AKAP12: variants seen among roughly 807,000 people sequenced by gnomAD.
The protein encoded by AKAP12 is A-kinase anchor protein 12.
AKAP12 carries 32 observed loss-of-function variants against 79.9 expected under a neutral mutation model. The ratio of observed to expected loss-of-function variants is 0.40; its 90% CI spans 0.30 to 0.54. The LOEUF is 0.54. AKAP12 is among the 20% of genes least tolerant of loss of function. The probability of loss-of-function intolerance (pLI) is 0.48; values close to 1 mark genes in which losing one functional copy is unlikely to be tolerated. For synonymous variants in AKAP12, 808 were observed against 857.0 expected (o/e 0.94, Z 1.00); for missense variants, 2,074 against 2,177.0 (o/e 0.95, Z 0.94).
At chr6:151,355,371 C>G (rs1311478501) in intron 4 of AKAP12, among the ~76,000 whole-genome samples, 1 of 151,886 alleles carries the variant, frequency 6.6e-6, no homozygotes, top group African/African-American at 2.4e-5. Context: ...GGCACAATCT[C>G]AGCTTACTGC....
intron 2 of AKAP12, among the ~76,000 whole-genome samples, chr6:151,290,797 A>G (rs890066295): frequency 6.6e-6 from 1 of 151,954 alleles, no homozygotes; most frequent in Non-Finnish European, 1.5e-5. Context: ...TTTAGTAGAG[A>G]CGGGGTTTCT....
intron 4 of AKAP12, among the ~76,000 whole-genome samples, chr6:151,354,159 A>C (rs369875991): frequency 2.1e-4 from 32 of 152,024 alleles, no homozygotes; most frequent in African/African-American, 5.3e-4. Context: ...TCAAAAAAAA[A>C]AAACAAACAA....
chr6:151,325,791 G>T, intron 3 of AKAP12: 4 of 1,612,988 alleles, frequency 2.5e-6, no homozygotes, highest in Non-Finnish European at 3.4e-6. Flanking sequence ...GCAGGCAGGA[G>T]ACTAGGCGTC....
At chr6:151,303,731 T>G (rs1052696080) in intron 2 of AKAP12, among the ~76,000 whole-genome samples, 1 of 152,216 alleles carries the variant, frequency 6.6e-6, no homozygotes, top group Non-Finnish European at 1.5e-5. Flanking sequence ...GAATACCCTT[T>G]AAGTCATTTT....
chr6:151,249,871 C>A (rs1797141933), intron 2 of AKAP12, among the ~76,000 whole-genome samples: 1 of 152,198 alleles, frequency 6.6e-6, no homozygotes, highest in Admixed American at 6.5e-5. Flanking sequence ...TATTCTACAT[C>A]TCAAGTGTTA....
At chr6:151,345,895 ATGTG>A (rs367643775) in intron 3 of AKAP12, among the ~76,000 whole-genome samples, 2,467 of 128,766 alleles carry the variant, frequency 0.019, 53 homozygotes, top group African/African-American at 0.061. Flanking sequence ...GTGTGTGTAT[ATGTG>A]TGTGTGTGTG....
At position 151,350,023 on chromosome 6, in the gene AKAP12, A is replaced by T; in HGVS notation, c.1632A>T (p.Ser544=). ...KGKRGGGDEE[S]GEHTQVPADS... is the part of the protein sequence containing the mutation. ...AAAGAGGAGGAGGAGACGAGGAATCAGGGGAGCACACTCAGGTTCCAGCCG... is the reference window on the plus strand; with the variant it reads ...AAAGAGGAGGAGGAGACGAGGAATCTGGGGAGCACACTCAGGTTCCAGCCG... The change falls in exon 4 of 5, where the codon TCA becomes TCT. Residue 544 remains serine, a synonymous_variant. Transcript: ENST00000402676. This position sits in a 1 kb window ranked among gnomAD's most constrained non-coding sequence, Gnocchi z 4.8. The T allele has an allele frequency of 6.2e-7, 1 of 1,614,166 alleles. No individual in the cohort carries two copies. Among genetic ancestry groups the T allele is most frequent in the Non-Finnish European group, 8.5e-7 (1 of 1,180,028 alleles).
At chr6:151,270,886 ACAT>A (rs1437227338) in intron 2 of AKAP12, among the ~76,000 whole-genome samples, 1 of 152,314 alleles carries the variant, frequency 6.6e-6, no homozygotes, top group African/African-American at 2.4e-5. Flanking sequence ...TATATGACAG[ACAT>A]CATGATGAAT....
At chr6:151,325,801 C>T in intron 3 of AKAP12, 1 of 1,613,520 alleles carries the variant, frequency 6.2e-7, no homozygotes, top group Admixed American at 1.7e-5. Flanking sequence ...GACTAGGCGT[C>T]TGCCGGGGAG....
chr6:151,345,932 T>TGTGTGAGAGAGAGAGAGA (rs1349850485), intron 3 of AKAP12, among the ~76,000 whole-genome samples: 2 of 101,376 alleles, frequency 2.0e-5, no homozygotes, highest in African/African-American at 8.7e-5. Context: ...TGTGTGTGTG[T>TGTGTGAGAGAGAGAGAGA]GAGAGAGAGA....
intron 2 of AKAP12, among the ~76,000 whole-genome samples, chr6:151,290,080 G>T (rs1776584849): frequency 6.6e-6 from 1 of 152,200 alleles, no homozygotes; most frequent in Non-Finnish European, 1.5e-5. Flanking sequence ...TGAGACTGGA[G>T]AAATGTGTGG....
chr6:151,240,927 C>T lies in AKAP12; in HGVS notation c.162+203C>T, dbSNP rs540762937. Among the ~76,000 whole-genome samples the T allele has an allele frequency of 2.2e-3, 328 of 152,302 alleles. 4 individuals carry two copies. Among genetic ancestry groups the T allele is most frequent in the Non-Finnish European group, 2.6e-3 (175 of 68,020 alleles). On this transcript the variant is annotated intron_variant, in intron 2 of 4. Transcript: ENST00000402676. ...GGGGCCAGAGCAGCGGCGAGCGCGG[C>T]GGGGGGCTTGCATCTTTGTCGCGGG...
chr6:151,337,465 A>G (rs1777844140), intron 3 of AKAP12, among the ~76,000 whole-genome samples: 1 of 148,168 alleles, frequency 6.7e-6, no homozygotes, highest in African/African-American at 2.5e-5. Context: ...CAGTGAGCCG[A>G]GATCGCGCCA....
At chr6:151,313,660 TC>T (rs1777169690) in intron 3 of AKAP12, among the ~76,000 whole-genome samples, 1 of 152,246 alleles carries the variant, frequency 6.6e-6, no homozygotes, top group Non-Finnish European at 1.5e-5. Context: ...GAACTTTTTT[TC>T]CTTCTGACTT....
chr6:151,345,200 T>A (rs1402642023), intron 3 of AKAP12, among the ~76,000 whole-genome samples: 1 of 151,676 alleles, frequency 6.6e-6, no homozygotes, highest in African/African-American at 2.4e-5. Flanking sequence ...CTCAGTCTCC[T>A]GAGTAGCTGG....
intron 2 of AKAP12, among the ~76,000 whole-genome samples, chr6:151,294,373 G>A (rs542457049): frequency 5.9e-5 from 9 of 152,290 alleles, no homozygotes; most frequent in Admixed American, 3.9e-4. Context: ...GATATGGGGG[G>A]TCGGGGTTGG....
Position 151,351,743 on chromosome 6 carries a change from G to C in AKAP12, c.3352G>C (p.Glu1118Gln). 3.1e-6 allele frequency: 5 copies of C among 1,614,202 alleles called. No homozygotes were observed. Among genetic ancestry groups the C allele is most frequent in the Non-Finnish European group, 4.2e-6 (5 of 1,180,036 alleles). The stretch of plus-strand genomic sequence containing the variant: ...GAAGGTGGTGGGGCAGACCACCCCA[G>C]AAAGCTTTGAAAAAGCTCCTCAAGT... Reference protein sequence around the residue: ...QGKVVGQTTPESFEKAPQVTE... With the variant: ...QGKVVGQTTPQSFEKAPQVTE... Residue 1118 changes from glutamate (E) to glutamine (Q), a missense_variant, in exon 4 of 5, where the codon GAA (glutamate) becomes CAA (glutamine). Glu to Gln is a conservative substitution (Grantham distance 29). Transcript: ENST00000402676. The surrounding 1 kb of genome is among the most constrained non-coding windows in gnomAD (Gnocchi z 4.4).
intron 3 of AKAP12, among the ~76,000 whole-genome samples, chr6:151,311,142 A>G (rs1777091201): frequency 6.6e-6 from 1 of 152,152 alleles, no homozygotes; most frequent in African/African-American, 2.4e-5. Flanking sequence ...AGTTCTTTAA[A>G]ATGCTTTTGT....
intron 2 of AKAP12, among the ~76,000 whole-genome samples, chr6:151,290,301 G>A (rs1776590733): frequency 6.6e-6 from 1 of 152,120 alleles, no homozygotes; most frequent in Non-Finnish European, 1.5e-5. Context: ...GAGGGTGGGT[G>A]GAAGTTCCCA....
Sources: allele counts gnomAD v4.1 joint callset (sites outside exome capture counted in the v4.1 genomes callset), GRCh38; gene constraint gnomAD v4.1.1; non-coding constraint Gnocchi (gnomAD v3.1); transcripts MANE v1.5; gene names NCBI Gene and HGNC (gene_info 2026-07-23, HGNC 2026-07-21).